INSYN2B: variants seen among roughly 807,000 people sequenced by gnomAD.
INSYN2B encodes protein INSYN2B.
In INSYN2B, 16 loss-of-function variants were observed where a neutral mutation model predicts 41.2. The observed-to-expected ratio is 0.39, with a 90% CI of 0.26 to 0.59. The LOEUF (loss-of-function observed/expected upper bound fraction) is 0.59. Ranked by LOEUF, INSYN2B falls within the 20% of genes least tolerant of loss-of-function variation. INSYN2B has a pLI of 0.57. For missense variants in INSYN2B, 608 were observed against 646.4 expected (o/e 0.94, Z 0.64); for synonymous variants, 245 against 244.4 (o/e 1.00, Z -0.02).
intron 1 of INSYN2B, among the ~76,000 whole-genome samples, chr5:169,966,948 A>G (rs1330959891): frequency 1.3e-5 from 2 of 152,218 alleles, no homozygotes; most frequent in Non-Finnish European, 2.9e-5. Flanking sequence ...AACACATGCT[A>G]TGTAGATAGC....
At chr5:169,879,899 G>T (rs1433942063) in intron 3 of INSYN2B, among the ~76,000 whole-genome samples, 1 of 152,120 alleles carries the variant, frequency 6.6e-6, no homozygotes, top group Non-Finnish European at 1.5e-5. Context: ...TAAGGTAACA[G>T]AAAATACATT....
At chr5:169,881,070 C>G (rs949552803) in intron 3 of INSYN2B, among the ~76,000 whole-genome samples, 2 of 152,066 alleles carry the variant, frequency 1.3e-5, no homozygotes, top group African/African-American at 4.8e-5. Flanking sequence ...TGAGCGAGAC[C>G]GAATGCCTTA....
chr5:169,907,845 A>C (rs1774373011), intron 1 of INSYN2B, among the ~76,000 whole-genome samples: 3 of 151,708 alleles, frequency 2.0e-5, no homozygotes, highest in Admixed American at 6.5e-5. Context: ...TGCTACTGGC[A>C]TCTAGTGGGT....
intron 3 of INSYN2B, among the ~76,000 whole-genome samples, chr5:169,874,679 A>G (rs1326929934): frequency 6.6e-6 from 1 of 152,074 alleles, no homozygotes; most frequent in East Asian, 1.9e-4. Context: ...TTGGCCAGGG[A>G]GCAGAATTAG....
intron 1 of INSYN2B, among the ~76,000 whole-genome samples, chr5:169,901,631 T>C (rs190825916): frequency 1.1e-4 from 17 of 152,246 alleles, no homozygotes; most frequent in Non-Finnish European, 1.3e-4. Context: ...TGATGAGAAC[T>C]GGATAAACTC....
chr5:169,916,991 C>T lies in INSYN2B; in HGVS notation c.-918-32175G>A, dbSNP rs1001057664. 7.2e-5 allele frequency among the ~76,000 whole-genome samples: 11 copies of T among 152,100 alleles called. 1 individual carries two copies. Among genetic ancestry groups the T allele is most frequent in the South Asian group, 2.1e-4 (1 of 4,822 alleles). ...ACTCTTCCAAATCCAGGACTGAATT[C>T]GTTCATTGCAAATATGGTGGATCTC... On this transcript the variant is annotated intron_variant, in intron 1 of 3. Coordinates refer to ENST00000377365, the MANE Select transcript of INSYN2B (RefSeq NM_001129891.3).
At chr5:169,976,291 A>G (rs1777715653) in intron 1 of INSYN2B, among the ~76,000 whole-genome samples, 1 of 152,190 alleles carries the variant, frequency 6.6e-6, no homozygotes, top group Non-Finnish European at 1.5e-5. Flanking sequence ...GAAAGGCCTA[A>G]ATTTTAGGTC....
At chr5:169,942,655 C>T (rs952316727) in intron 1 of INSYN2B, among the ~76,000 whole-genome samples, 2 of 152,164 alleles carry the variant, frequency 1.3e-5, no homozygotes, top group South Asian at 2.1e-4. Context: ...GGATGCAGGG[C>T]GGTCTGGAGT....
At chr5:169,881,257 A>G in intron 3 of INSYN2B, 111 bp downstream of exon 3, 1 of 843,326 alleles carries the variant, frequency 1.2e-6, no homozygotes, top group South Asian at 1.5e-5. Context: ...TCATAGTTAA[A>G]TACCTTGTTT....
intron 1 of INSYN2B, among the ~76,000 whole-genome samples, chr5:169,897,294 C>T (rs1301405299): frequency 2.0e-5 from 3 of 152,170 alleles, no homozygotes; most frequent in South Asian, 2.1e-4. Context: ...AAGCAATTCT[C>T]GTGCCTCAGC....
chr5:169,881,523 G>GT, intron 2 of INSYN2B, 81 bp from the exon 3 acceptor site: 1 of 1,075,636 alleles, frequency 9.3e-7, no homozygotes, highest in East Asian at 2.6e-5. Flanking sequence ...TTGTCCCTTA[G>GT]TCCCTATAGC....
intron 1 of INSYN2B, among the ~76,000 whole-genome samples, chr5:169,886,892 G>A (rs951484520): frequency 1.3e-5 from 2 of 152,216 alleles, no homozygotes; most frequent in Non-Finnish European, 2.9e-5. Flanking sequence ...AATGTCTAGT[G>A]CATTGATTAT....
intron 1 of INSYN2B, among the ~76,000 whole-genome samples, chr5:169,931,783 C>T (rs1036107732): frequency 6.6e-6 from 1 of 152,160 alleles, no homozygotes; most frequent in Non-Finnish European, 1.5e-5. Context: ...CCAAGTGGCC[C>T]AGAGGACAAT....
At position 169,864,367 on chromosome 5, in the gene INSYN2B, G is replaced by T. The variant is rs1229760920; in HGVS notation, c.1514C>A (p.Pro505Gln). Residue 505 changes from proline (P) to glutamine (Q), a missense_variant, in exon 4 of 4, where the codon CCA becomes CAA. Transcript: ENST00000377365. ...TGGGGGTTCTGCTGGGGACTTTGGT[G>T]GGGGCGATGCCTCCTCAACTGGCTC... is the stretch of plus-strand genomic sequence containing the variant. The part of the protein sequence containing the change: ...EAEPVEEASP[P>Q]PKSPAEPPAP... 8 of 1,551,304 alleles carry T rather than the reference G, an allele frequency of 5.2e-6. No individual in the cohort carries two copies. The East Asian group carries it at 1.5e-4, about 28-fold the overall frequency.
chr5:169,908,045 C>T (rs917991877), intron 1 of INSYN2B, among the ~76,000 whole-genome samples: 8 of 152,160 alleles, frequency 5.3e-5, no homozygotes, highest in African/African-American at 1.9e-4. Context: ...TGTGATGGAA[C>T]AATTTAGATC....
At position 169,946,940 on chromosome 5, in the gene INSYN2B, G is replaced by A. The variant is rs574909173; in HGVS notation, c.-919+33337C>T. Reference sequence around the variant, plus strand: ...GGGAAGAGCGTGGGCAAGGCCCTGAGTCAGGATGGAGTTTTGCCATATGGG... The same window carrying A: ...GGGAAGAGCGTGGGCAAGGCCCTGAATCAGGATGGAGTTTTGCCATATGGG... On this transcript the variant is annotated intron_variant, in intron 1 of 3. Transcript: ENST00000377365. 1.5e-4 allele frequency among the ~76,000 whole-genome samples: 23 copies of A among 152,326 alleles called. No individual in the cohort carries two copies. The South Asian group carries it at 4.8e-3, about 32-fold the overall frequency.
In INSYN2B at chr5:169,882,759, T is replaced by C; in HGVS notation, c.1140A>G (p.Pro380=). 1 of 1,551,804 alleles carries C rather than the reference T, an allele frequency of 6.4e-7. No homozygotes were observed. Among genetic ancestry groups the C allele is most frequent in the Non-Finnish European group, 8.7e-7 (1 of 1,146,986 alleles). ...FPNCPGSNHL[P]SSLSRSETKL... ...TGGTCTCACTCCTTGAAAGAGAGGA[T>C]GGGAGATGATTACTTCCTGGACAAT... Residue 380 remains proline (P), a synonymous_variant, in exon 2 of 4, where the codon CCA becomes CCG. Coordinates refer to ENST00000377365, the MANE Select transcript of INSYN2B (RefSeq NM_001129891.3).
intron 3 of INSYN2B, among the ~76,000 whole-genome samples, chr5:169,877,160 T>C (rs1003905839): frequency 2.6e-5 from 4 of 152,106 alleles, no homozygotes; most frequent in African/African-American, 9.7e-5. Context: ...GGAACTTATG[T>C]AAAGGCACAG....
intron 3 of INSYN2B, among the ~76,000 whole-genome samples, chr5:169,876,611 G>T (rs149663817): frequency 1.3e-5 from 2 of 152,320 alleles, no homozygotes; most frequent in East Asian, 1.9e-4. Flanking sequence ...ATCAAAGAAA[G>T]GTTCTCTCTT....
Sources: allele counts gnomAD v4.1 joint callset (sites outside exome capture counted in the v4.1 genomes callset), GRCh38; gene constraint gnomAD v4.1.1; transcripts MANE v1.5; gene names NCBI Gene and HGNC (gene_info 2026-07-23, HGNC 2026-07-21).